NSD3: variants seen among roughly 807,000 people sequenced by gnomAD.
NSD3 encodes the protein nuclear receptor binding SET domain protein 3.
Under a neutral mutation model 160.8 loss-of-function variants are expected in NSD3, and 24 were observed. The observed-to-expected ratio is 0.15, with a 90% CI of 0.11 to 0.21. NSD3 has a LOEUF of 0.21. Ranked by LOEUF, NSD3 falls within the 10% of genes least tolerant of loss-of-function variation. The pLI, the probability that NSD3 is intolerant of heterozygous loss-of-function variation, is 1.00. For synonymous variants in NSD3, 520 were observed against 600.0 expected (o/e 0.87, Z 1.95); for missense variants, 1,157 against 1,735.9 (o/e 0.67, Z 5.93).
At chr8:38,374,590 C>G (rs1811342581) in intron 1 of NSD3, among the ~76,000 whole-genome samples, 1 of 151,898 alleles carries the variant, frequency 6.6e-6, no homozygotes, top group Non-Finnish European at 1.5e-5. Flanking sequence ...GACCCTGTCT[C>G]ACAAAAAAAG....
intron 2 of NSD3, among the ~76,000 whole-genome samples, chr8:38,342,943 G>A (rs1810413471): frequency 6.6e-6 from 1 of 151,806 alleles, no homozygotes. Context: ...TGTAATCCCA[G>A]AACTTTGGGA....
At chr8:38,351,910 T>C (rs1390482724) in intron 1 of NSD3, among the ~76,000 whole-genome samples, 1 of 151,660 alleles carries the variant, frequency 6.6e-6, no homozygotes, top group Admixed American at 6.6e-5. Flanking sequence ...TTAGGAGATA[T>C]ACCTAATGTT....
At chr8:38,342,290 G>C (rs1422068704) in intron 2 of NSD3, among the ~76,000 whole-genome samples, 2 of 152,144 alleles carry the variant, frequency 1.3e-5, no homozygotes, top group African/African-American at 4.8e-5. Context: ...TTCAGAGACA[G>C]AGACAAGTTT....
intron 2 of NSD3, among the ~76,000 whole-genome samples, chr8:38,346,575 A>G (rs1301105147): frequency 6.6e-6 from 1 of 151,894 alleles, no homozygotes; most frequent in East Asian, 1.9e-4. Flanking sequence ...AACATTTGTT[A>G]ATGAATAAAT....
At chr8:38,343,048 T>C (rs1810416899) in intron 2 of NSD3, among the ~76,000 whole-genome samples, 1 of 151,264 alleles carries the variant, frequency 6.6e-6, no homozygotes, top group Non-Finnish European at 1.5e-5. Flanking sequence ...ACAAAAAAAT[T>C]AGCTGAGTGT....
chr8:38,358,604 T>A (rs1212437991), intron 1 of NSD3, among the ~76,000 whole-genome samples: 1 of 152,192 alleles, frequency 6.6e-6, no homozygotes, highest in African/African-American at 2.4e-5. Context: ...GTCATTTTGT[T>A]TTAAACGCAG....
rs375756553 is a variant in NSD3 at position 38,325,103 on chromosome 8, A to T, written c.1708+1627T>A. ...CTAAACCCAAGGAGGGGGTCACGAG[A>T]ACCTCCAATTTATAGCTGGTCAGTC... On this transcript the variant is annotated intron_variant, in intron 7 of 23. Transcript: ENST00000317025. 6.6e-5 allele frequency among the ~76,000 whole-genome samples: 10 copies of T among 152,214 alleles called. No individual in the cohort carries two copies. The South Asian group carries it at 1.9e-3, about 28-fold the overall frequency.
chr8:38,292,166 AT>A (rs1324003847), intron 16 of NSD3, among the ~76,000 whole-genome samples: 4 of 152,230 alleles, frequency 2.6e-5, no homozygotes, highest in Non-Finnish European at 5.9e-5. Flanking sequence ...AAATGTATTA[AT>A]TTTCAAACTG....
intron 1 of NSD3, among the ~76,000 whole-genome samples, chr8:38,373,617 G>T (rs915524577): frequency 2.1e-4 from 32 of 152,142 alleles, no homozygotes; most frequent in Admixed American, 1.6e-3. Context: ...ATGCCACTAG[G>T]AGTATCTCCA....
At chr8:38,302,730 G>A (rs142636259) in intron 14 of NSD3, among the ~76,000 whole-genome samples, 19 of 152,198 alleles carry the variant, frequency 1.2e-4, no homozygotes, top group African/African-American at 1.4e-4. Context: ...GAACTCCTGG[G>A]GTCAAGTGAT....
intron 1 of NSD3, among the ~76,000 whole-genome samples, chr8:38,361,419 G>A (rs780537182): frequency 6.6e-6 from 1 of 151,704 alleles, no homozygotes; most frequent in Non-Finnish European, 1.5e-5. Flanking sequence ...CACTGCTCCC[G>A]GCCAGAAATA....
In NSD3 at chr8:38,317,126, G is replaced by A. The variant is rs926520780; in HGVS notation, c.1856-1084C>T. On this transcript the variant is annotated intron_variant, in intron 9 of 23. Coordinates refer to ENST00000317025, the MANE Select transcript of NSD3 (RefSeq NM_023034.2). The surrounding 1 kb of genome is among the most constrained non-coding windows in gnomAD (Gnocchi z 5.3). Reference sequence around the variant, plus strand: ...AAGTCTCCTGAGGCCATGAAGATCCGCAACAGGCTGAGTGAGAGTAGCACT... The same window carrying A: ...AAGTCTCCTGAGGCCATGAAGATCCACAACAGGCTGAGTGAGAGTAGCACT... 1.2e-5 allele frequency: 13 copies of A among 1,061,912 alleles called. No individual in the cohort carries two copies. Among genetic ancestry groups the A allele is most frequent in the East Asian group, 5.1e-5 (1 of 19,610 alleles). 65.8% of individuals were successfully genotyped at this position (1,061,912 alleles called of 1,614,324 possible).
Position 38,315,408 on chromosome 8 carries a change from C to CT in NSD3, c.2115+7dup, listed in dbSNP as rs761369372. On this transcript the variant is annotated splice_region_variant and intron_variant, in intron 11 of 23. Coordinates refer to ENST00000317025, the MANE Select transcript of NSD3 (RefSeq NM_023034.2). ...TATTTCAAGCCATAGCACCAGTTAC[C>CT]TGCCTACCTGACATACAGTGTCCTT... The CT allele has an allele frequency of 6.4e-7, 1 of 1,553,844 alleles. No homozygotes were observed. Among genetic ancestry groups the CT allele is most frequent in the Non-Finnish European group, 8.6e-7 (1 of 1,157,392 alleles).
At position 38,316,096 on chromosome 8, in the gene NSD3, A is replaced by T; in HGVS notation, c.1856-54T>A. 1 of 1,592,766 alleles carries T rather than the reference A, an allele frequency of 6.3e-7. No individual in the cohort carries two copies. The highest frequency in any genetic ancestry group is 1.7e-5 in the Admixed American group (1 of 57,402). On this transcript the variant is annotated intron_variant, in intron 9 of 23. Transcript: ENST00000317025. This position sits in a 1 kb window ranked among gnomAD's most constrained non-coding sequence, Gnocchi z 4.5. Reference sequence around the variant, plus strand: ...AAAATAGTACTTAAGGTTTGTTTTAATTTTTTTGTGTGTGGGAGAATATTT... The same window carrying T: ...AAAATAGTACTTAAGGTTTGTTTTATTTTTTTTGTGTGTGGGAGAATATTT...
At chr8:38,344,101 T>A (rs1810453951) in intron 2 of NSD3, among the ~76,000 whole-genome samples, 1 of 152,216 alleles carries the variant, frequency 6.6e-6, no homozygotes, top group Non-Finnish European at 1.5e-5. Context: ...ATCTCAGGTC[T>A]CCTGCTGCCT....
chr8:38,304,486 A>G lies in NSD3; in HGVS notation c.2611+101T>C, dbSNP rs150324689. 94 of 1,195,866 alleles carry G rather than the reference A, an allele frequency of 7.9e-5. No individual in the cohort carries two copies. The Middle Eastern group carries it at 8.9e-4, about 11-fold the overall frequency. 74.1% of individuals were successfully genotyped at this position (1,195,866 alleles called of 1,614,324 possible). A position where few individuals can be genotyped will look rare whatever the true frequency, so the allele number is the denominator to read the frequency against. ...AATTCTGCACTGGGTAGGAGATTCTACTAGATGGCCTGAGTTCTTTCCCAA... is the reference window on the plus strand; with the variant it reads ...AATTCTGCACTGGGTAGGAGATTCTGCTAGATGGCCTGAGTTCTTTCCCAA... On this transcript the variant is annotated intron_variant, in intron 14 of 23. Coordinates refer to ENST00000317025, the MANE Select transcript of NSD3 (RefSeq NM_023034.2).
chr8:38,327,449 C>T (rs1809944901), intron 6 of NSD3, among the ~76,000 whole-genome samples: 1 of 152,026 alleles, frequency 6.6e-6, no homozygotes. Context: ...CTGCCTCGTC[C>T]CAGGTTCAAG....
chr8:38,329,355 A>G lies in NSD3; in HGVS notation c.1581+23T>C. Reference sequence around the variant, plus strand: ...ACTTTTAAAATACCATCCCCCAAAAAACTCCACGAAAAAAGGAGGTACCTT... The same window carrying G: ...ACTTTTAAAATACCATCCCCCAAAAGACTCCACGAAAAAAGGAGGTACCTT... On this transcript the variant is annotated intron_variant, in intron 6 of 23. Transcript: ENST00000317025. This position sits in a 1 kb window ranked among gnomAD's most constrained non-coding sequence, Gnocchi z 4.8. The G allele has an allele frequency of 6.3e-7, 1 of 1,595,094 alleles. No homozygotes were observed. Among genetic ancestry groups the G allele is most frequent in the Non-Finnish European group, 8.6e-7 (1 of 1,168,632 alleles).
chr8:38,317,115 C>T lies in NSD3; in HGVS notation c.1856-1073G>A, dbSNP rs1809685836. On this transcript the variant is annotated intron_variant, in intron 9 of 23. Transcript: ENST00000317025. This position sits in a 1 kb window ranked among gnomAD's most constrained non-coding sequence, Gnocchi z 5.3. Reference sequence around the variant, plus strand: ...CATGGAGAAACAAGTCTCCTGAGGCCATGAAGATCCGCAACAGGCTGAGTG... The same window carrying T: ...CATGGAGAAACAAGTCTCCTGAGGCTATGAAGATCCGCAACAGGCTGAGTG... The T allele has an allele frequency of 9.4e-7, 1 of 1,062,058 alleles. No homozygotes were observed. Among genetic ancestry groups the T allele is most frequent in the Non-Finnish European group, 1.1e-6 (1 of 877,366 alleles). 65.8% of individuals were successfully genotyped at this position (1,062,058 alleles called of 1,614,324 possible).
Sources: gnomAD v4.1 joint callset for allele counts (sites outside exome capture counted in the v4.1 genomes callset) on GRCh38, gnomAD v4.1.1 for gene constraint, Gnocchi (gnomAD v3.1) non-coding constraint, MANE v1.5 for transcripts, NCBI Gene and HGNC (gene_info 2026-07-23, HGNC 2026-07-21) for gene names.